INSYN2B: variants seen among roughly 807,000 people sequenced by gnomAD.
INSYN2B encodes the protein protein INSYN2B.
A neutral mutation model predicts 41.2 loss-of-function variants in INSYN2B; 16 were observed. The observed-to-expected ratio is 0.39, with a 90% CI of 0.26 to 0.59. The LOEUF is 0.59. Among genes scored for constraint, INSYN2B ranks in the 20% least tolerant of loss-of-function variants. INSYN2B has a pLI of 0.57. For missense variants in INSYN2B, 608 were observed against 646.4 expected, an observed-to-expected ratio of 0.94 and a Z score of 0.64; for synonymous variants, 245 against 244.4, an observed-to-expected ratio of 1.00 and a Z score of -0.02.
intron 1 of INSYN2B, among the ~76,000 whole-genome samples, chr5:169,898,319 G>A (rs1773727040): frequency 6.6e-6 from 1 of 152,176 alleles, no homozygotes; most frequent in Non-Finnish European, 1.5e-5. Context: ...TGTGATTGGT[G>A]CCTGCACAGT....
intron 1 of INSYN2B, among the ~76,000 whole-genome samples, chr5:169,976,467 A>T (rs866450486): frequency 1.3e-5 from 2 of 152,208 alleles, no homozygotes; most frequent in South Asian, 2.1e-4. Flanking sequence ...CGCTATTGAG[A>T]TGATGAATGT....
At chr5:169,877,521 T>G (rs953997093) in intron 3 of INSYN2B, among the ~76,000 whole-genome samples, 1 of 152,200 alleles carries the variant, frequency 6.6e-6, no homozygotes, top group African/African-American at 2.4e-5. Context: ...TGCCTCTTGG[T>G]CAATGGTGTT....
At chr5:169,927,875 C>A (rs1464851262) in intron 1 of INSYN2B, among the ~76,000 whole-genome samples, 2 of 152,194 alleles carry the variant, frequency 1.3e-5, no homozygotes, top group South Asian at 4.1e-4. Context: ...CTCGGCCTCC[C>A]AAAGTGCTGG....
chr5:169,885,174 T>A (rs1772902734), intron 1 of INSYN2B, among the ~76,000 whole-genome samples: 1 of 152,172 alleles, frequency 6.6e-6, no homozygotes, highest in Non-Finnish European at 1.5e-5. Context: ...CCTCGTCACA[T>A]TTTTCACAAT....
intron 1 of INSYN2B, among the ~76,000 whole-genome samples, chr5:169,905,457 GGT>G (rs1367299591): frequency 4.6e-5 from 7 of 152,318 alleles, no homozygotes; most frequent in Middle Eastern, 3.4e-3. Context: ...TGCAAGAAGT[GGT>G]TTAAAATTGG....
intron 1 of INSYN2B, among the ~76,000 whole-genome samples, chr5:169,925,579 T>TAAAA (rs34833916): frequency 1.2e-4 from 10 of 80,282 alleles, no homozygotes; most frequent in South Asian, 4.4e-4. Flanking sequence ...GACTCTGTCT[T>TAAAA]AAAAAAAAAA....
chr5:169,968,611 T>C (rs1175659694), intron 1 of INSYN2B, among the ~76,000 whole-genome samples: 1 of 152,208 alleles, frequency 6.6e-6, no homozygotes. Context: ...TGTTTTTCAT[T>C]TTGATGAATG....
At chr5:169,935,783 G>A (rs1024093972) in intron 1 of INSYN2B, among the ~76,000 whole-genome samples, 8 of 152,144 alleles carry the variant, frequency 5.3e-5, no homozygotes, top group Non-Finnish European at 1.2e-4. Flanking sequence ...AAAACGCGTT[G>A]TGTAAAAATA....
At chr5:169,895,990 T>C (rs916725192) in intron 1 of INSYN2B, among the ~76,000 whole-genome samples, 3 of 152,194 alleles carry the variant, frequency 2.0e-5, no homozygotes, top group African/African-American at 7.2e-5. Context: ...TTTATGTGAA[T>C]GCTATGATCT....
intron 3 of INSYN2B, among the ~76,000 whole-genome samples, chr5:169,867,659 A>T (rs1367550087): frequency 1.3e-5 from 2 of 151,924 alleles, no homozygotes; most frequent in Non-Finnish European, 2.9e-5. Flanking sequence ...TACCTCTAGC[A>T]TCTATTTGTC....
intron 1 of INSYN2B, among the ~76,000 whole-genome samples, chr5:169,931,370 C>T (rs992104947): frequency 6.6e-6 from 1 of 152,208 alleles, no homozygotes; most frequent in African/African-American, 2.4e-5. Context: ...AAAGGGCTTG[C>T]CTTGATATTG....
At chr5:169,905,293 GT>G (rs35677067) in intron 1 of INSYN2B, among the ~76,000 whole-genome samples, 22,962 of 146,114 alleles carry the variant, frequency 0.16, 2,114 homozygotes, top group African/African-American at 0.26. Flanking sequence ...TAGAGCCAGT[GT>G]TTTTTTTTTT....
chr5:169,934,044 T>G (rs1775877952), intron 1 of INSYN2B, among the ~76,000 whole-genome samples: 1 of 152,224 alleles, frequency 6.6e-6, no homozygotes, highest in African/African-American at 2.4e-5. Context: ...AATCTTCCCT[T>G]GATCCATACT....
chr5:169,925,779 C>T (rs1348673590), intron 1 of INSYN2B, among the ~76,000 whole-genome samples: 1 of 151,922 alleles, frequency 6.6e-6, no homozygotes, highest in South Asian at 2.1e-4. Context: ...TCCAGGATGC[C>T]AGACCAATAA....
chr5:169,970,772 T>C (rs1455788581), intron 1 of INSYN2B, among the ~76,000 whole-genome samples: 3 of 152,230 alleles, frequency 2.0e-5, no homozygotes, highest in Non-Finnish European at 4.4e-5. Context: ...TTTTCTTTTC[T>C]AGATGGAATT....
At chr5:169,942,046 G>A (rs1420055074) in intron 1 of INSYN2B, among the ~76,000 whole-genome samples, 5 of 152,192 alleles carry the variant, frequency 3.3e-5, no homozygotes, top group African/African-American at 1.2e-4. Flanking sequence ...TAGCCTGAAC[G>A]AAAACAGTTC....
At chr5:169,961,630 C>A (rs1231890477) in intron 1 of INSYN2B, among the ~76,000 whole-genome samples, 1 of 152,104 alleles carries the variant, frequency 6.6e-6, no homozygotes, top group Non-Finnish European at 1.5e-5. Context: ...AAATAAATAT[C>A]TAATTAAAAT....
chr5:169,862,254 A>C lies in INSYN2B; in HGVS notation c.*2019T>G, dbSNP rs1432190700. ...GCCGGGAAATTTAAGCCATTTGCCA[A>C]AGGCTAGTGGTATAGACTGCTTGGT... is the stretch of plus-strand genomic sequence containing the variant. On this transcript the variant is annotated 3_prime_UTR_variant, in exon 4 of 4. Coordinates refer to ENST00000377365, the MANE Select transcript of INSYN2B (RefSeq NM_001129891.3). 1.3e-5 allele frequency among the ~76,000 whole-genome samples: 2 copies of C among 152,216 alleles called. No individual in the cohort carries two copies. Among genetic ancestry groups the C allele is most frequent in the African/African-American group, 4.8e-5 (2 of 41,456 alleles).
intron 1 of INSYN2B, among the ~76,000 whole-genome samples, chr5:169,938,926 T>A (rs1413292736): frequency 7.6e-6 from 1 of 132,416 alleles, no homozygotes; most frequent in Non-Finnish European, 1.6e-5. Context: ...TTTTTTGAAA[T>A]GGAGTCTTGC....
Sources: gnomAD v4.1 joint callset for allele counts (sites outside exome capture counted in the v4.1 genomes callset) on GRCh38, gnomAD v4.1.1 for gene constraint, MANE v1.5 for transcripts, NCBI Gene and HGNC (gene_info 2026-07-23, HGNC 2026-07-21) for gene names.